LRRC4C: variants seen among roughly 807,000 people sequenced by gnomAD.
LRRC4C encodes leucine-rich repeat-containing protein 4C.
Under a neutral mutation model 33.6 loss-of-function variants are expected in LRRC4C, and 5 were observed. The ratio of observed to expected loss-of-function variants is 0.15; its 90% CI spans 0.08 to 0.31. The LOEUF is 0.31. Among genes scored for constraint, LRRC4C ranks in the 10% least tolerant of loss-of-function variants. LRRC4C has a pLI of 1.00. For synonymous variants in LRRC4C, 329 were observed against 302.0 expected, an observed-to-expected ratio of 1.09 and a Z score of -0.93; for missense variants, 560 against 796.7, an observed-to-expected ratio of 0.70 and a Z score of 3.58.
chr11:40,624,142 A>G (rs967211452), intron 3 of LRRC4C, among the ~76,000 whole-genome samples: 1 of 152,202 alleles, frequency 6.6e-6, no homozygotes, highest in South Asian at 2.1e-4. Flanking sequence ...CTGTTTGGTC[A>G]GTGTGTTCCA....
Position 41,012,067 on chromosome 11 carries a change from ACTTT to A in LRRC4C, c.-495-78348_-495-78345del, listed in dbSNP as rs563557492. On this transcript the variant is annotated intron_variant, in intron 1 of 6. Coordinates refer to ENST00000528697, the MANE Select transcript of LRRC4C (RefSeq NM_001258419.2). ...GATATCCATCATCATAAATATTCAT[ACTTT>A]CTTTATGCTAGAAACATTCTAATTA... 5.9e-4 allele frequency among the ~76,000 whole-genome samples: 90 copies of A among 151,976 alleles called. 2 individuals carry two copies. In the South Asian group the frequency reaches 6.6e-3, roughly 11 times the overall value.
intron 2 of LRRC4C, among the ~76,000 whole-genome samples, chr11:40,839,021 G>C (rs1247848046): frequency 2.0e-5 from 3 of 151,978 alleles, no homozygotes. Flanking sequence ...CCTGAAAAAA[G>C]AGACTCACAG....
At chr11:40,789,818 A>G (rs1345072916) in intron 2 of LRRC4C, among the ~76,000 whole-genome samples, 1 of 152,210 alleles carries the variant, frequency 6.6e-6, no homozygotes, top group Admixed American at 6.5e-5. Flanking sequence ...GGGACTCACA[A>G]TCCATGTTTA....
chr11:40,438,887 T>C (rs752411952), intron 3 of LRRC4C, among the ~76,000 whole-genome samples: 1 of 151,878 alleles, frequency 6.6e-6, no homozygotes, highest in Non-Finnish European at 1.5e-5. Context: ...AAAATAATAC[T>C]AGTTTTTCAA....
intron 4 of LRRC4C, among the ~76,000 whole-genome samples, chr11:40,248,348 G>A (rs1231140256): frequency 2.6e-5 from 4 of 152,146 alleles, no homozygotes; most frequent in Non-Finnish European, 1.5e-5. Context: ...CCTCAGCACT[G>A]TTGACTTTTT....
intron 3 of LRRC4C, among the ~76,000 whole-genome samples, chr11:40,454,369 C>T (rs943047136): frequency 6.6e-6 from 1 of 151,972 alleles, no homozygotes; most frequent in African/African-American, 2.4e-5. Flanking sequence ...TGTTGAGTTA[C>T]AGGTAGTAAA....
chr11:40,173,566 C>A (rs1590614318), intron 5 of LRRC4C, among the ~76,000 whole-genome samples: 1 of 152,114 alleles, frequency 6.6e-6, no homozygotes, highest in Non-Finnish European at 1.5e-5. Context: ...TCTATGCATC[C>A]TTTAAGCCCA....
intron 3 of LRRC4C, among the ~76,000 whole-genome samples, chr11:40,399,725 AC>A (rs1443010878): frequency 6.6e-6 from 1 of 152,076 alleles, no homozygotes; most frequent in African/African-American, 2.4e-5. Context: ...AACAACAACA[AC>A]AAAAGTTACA....
At chr11:41,036,469 G>T (rs1010965368) in intron 1 of LRRC4C, among the ~76,000 whole-genome samples, 1 of 152,056 alleles carries the variant, frequency 6.6e-6, no homozygotes, top group African/African-American at 2.4e-5. Context: ...CTTTTGTAGT[G>T]GGTTCCTGTA....
chr11:40,224,335 G>A (rs1437802641), intron 5 of LRRC4C, among the ~76,000 whole-genome samples: 1 of 152,014 alleles, frequency 6.6e-6, no homozygotes, highest in Admixed American at 6.6e-5. Context: ...CCACAACTTG[G>A]GCTTTATTTA....
chr11:41,244,452 G>A (rs985787845), intron 1 of LRRC4C, among the ~76,000 whole-genome samples: 1 of 152,150 alleles, frequency 6.6e-6, no homozygotes. Flanking sequence ...GTCAAAGAAA[G>A]TGAAACAAAG....
intron 6 of LRRC4C, among the ~76,000 whole-genome samples, chr11:40,122,417 T>A (rs544774700): frequency 1.3e-5 from 2 of 152,090 alleles, no homozygotes; most frequent in South Asian, 4.2e-4. Context: ...TTCCCCCACA[T>A]CCCAAACAGG....
rs201024397 is a variant in LRRC4C, at chr11:40,114,338, G to A, written c.*32C>T. 281 of 1,492,154 alleles carry A rather than the reference G, an allele frequency of 1.9e-4. 1 individual carries two copies. The African/African-American group carries it at 3.6e-3, about 19-fold the overall frequency. 92.4% of individuals were successfully genotyped at this position (1,492,154 alleles called of 1,614,324 possible). A position where few individuals can be genotyped will look rare whatever the true frequency, so the allele number is the denominator to read the frequency against. On this transcript the variant is annotated 3_prime_UTR_variant, in exon 7 of 7. Transcript: ENST00000528697. ...TTTTTAATAAACTGTCTTTTTTTTT[G>A]ATTGTTTGTTTTTTGTAACTCTGTA...
At chr11:40,370,851 A>C (rs1341271862) in intron 3 of LRRC4C, among the ~76,000 whole-genome samples, 4 of 152,242 alleles carry the variant, frequency 2.6e-5, no homozygotes, top group African/African-American at 9.6e-5. Flanking sequence ...AAATGAAATA[A>C]AATAAAAATT....
chr11:40,985,221 T>A (rs2137159741), intron 1 of LRRC4C, among the ~76,000 whole-genome samples: 1 of 152,192 alleles, frequency 6.6e-6, no homozygotes, highest in South Asian at 2.1e-4. Flanking sequence ...AGATACATGC[T>A]TTTTTCCTCC....
chr11:40,525,741 G>C lies in LRRC4C; in HGVS notation c.-270+122401C>G, dbSNP rs1005362510. On this transcript the variant is annotated intron_variant, in intron 3 of 6. Transcript: ENST00000528697. ...TCAGCAACTTTTTTTTTTTGAGATT[G>C]GGAAGCTGATTTTAAAAGGCCAATG... is the stretch of plus-strand genomic sequence containing the variant. Among the ~76,000 whole-genome samples, 24 of 150,876 alleles carry C rather than the reference G, an allele frequency of 1.6e-4. 1 individual carries two copies. The highest frequency in any genetic ancestry group is 5.9e-4 in the African/African-American group (24 of 41,022).
chr11:40,218,075 G>A (rs1489317347), intron 5 of LRRC4C, among the ~76,000 whole-genome samples: 2 of 152,062 alleles, frequency 1.3e-5, no homozygotes, highest in East Asian at 3.9e-4. Context: ...TAATGTGACA[G>A]GTATATTTCA....
intron 5 of LRRC4C, among the ~76,000 whole-genome samples, chr11:40,158,910 A>G (rs1315291460): frequency 6.6e-6 from 1 of 152,192 alleles, no homozygotes; most frequent in Non-Finnish European, 1.5e-5. Context: ...ACAAAATGAA[A>G]TGAAACTTCC....
rs143075704 is a variant in LRRC4C, at chr11:40,520,080, T to A, written c.-270+128062A>T. Among the ~76,000 whole-genome samples, 103 of 152,302 alleles carry A rather than the reference T, an allele frequency of 6.8e-4. 1 individual carries two copies. The highest frequency in any genetic ancestry group is 3.4e-3 in the Middle Eastern group (1 of 294). ...CAACTAAGTCGAAGCCAATGCTAATTTACCACTCTAAAAATCCTAGGGCTC... is the reference window on the plus strand; with the variant it reads ...CAACTAAGTCGAAGCCAATGCTAATATACCACTCTAAAAATCCTAGGGCTC... On this transcript the variant is annotated intron_variant, in intron 3 of 6. Coordinates refer to ENST00000528697, the MANE Select transcript of LRRC4C (RefSeq NM_001258419.2).
Sources: gnomAD v4.1 joint callset for allele counts (sites outside exome capture counted in the v4.1 genomes callset) on GRCh38, gnomAD v4.1.1 for gene constraint, MANE v1.5 for transcripts, NCBI Gene and HGNC (gene_info 2026-07-23, HGNC 2026-07-21) for gene names.